DHX29: variants seen among roughly 807,000 people sequenced by gnomAD.
The protein encoded by DHX29 is ATP-dependent RNA helicase DHX29.
DHX29 carries 79 observed loss-of-function variants against 167.9 expected under a neutral mutation model. The ratio of observed to expected loss-of-function variants is 0.47; its 90% CI spans 0.39 to 0.57. The LOEUF (loss-of-function observed/expected upper bound fraction) is 0.57. Among genes scored for constraint, DHX29 ranks in the 20% least tolerant of loss-of-function variants. The pLI, the probability that DHX29 is intolerant of heterozygous loss-of-function variation, is 0.00. For missense variants in DHX29, 1,347 were observed against 1,593.4 expected, an observed-to-expected ratio of 0.85 and a Z score of 2.63; for synonymous variants, 530 against 546.0, an observed-to-expected ratio of 0.97 and a Z score of 0.41.
At chr5:55,284,895 G>A (rs1018797690) in intron 10 of DHX29, among the ~76,000 whole-genome samples, 15 of 152,196 alleles carry the variant, frequency 9.9e-5, no homozygotes, top group African/African-American at 3.6e-4. Flanking sequence ...TTAGCTGGAT[G>A]TGGTGGCACA....
At position 55,259,873 on chromosome 5, in the gene DHX29, A is replaced by C. The variant is rs764871075; in HGVS notation, c.4032T>G (p.Leu1344=). Residue 1344 remains leucine, a synonymous_variant, in exon 26 of 27, where the codon CTT becomes CTG. Transcript: ENST00000251636. ...VLIDSVLRKK[L]ENPKMSLEND... is the part of the protein sequence containing the mutation. ...TTTCAAGGGACATCTTTGGATTTTC[A>C]AGCTTTTTTCTTAAAACTGAATCAA... The C allele has an allele frequency of 3.1e-6, 5 of 1,608,876 alleles. No homozygotes were observed. In the South Asian group the frequency reaches 5.5e-5, roughly 18 times the overall value.
rs1301824217 is a variant in DHX29, at chr5:55,281,528, C to T, written c.1966-13G>A. The T allele has an allele frequency of 6.4e-7, 1 of 1,550,558 alleles. No homozygotes were observed. The highest frequency in any genetic ancestry group is 8.7e-7 in the Non-Finnish European group (1 of 1,149,606). Reference sequence around the variant, plus strand: ...CACACAAGGAATTCTAAAGGGAGAACATAAGGCCTTGATTAGATTCTCATG... The same window carrying T: ...CACACAAGGAATTCTAAAGGGAGAATATAAGGCCTTGATTAGATTCTCATG... On this transcript the variant is annotated splice_polypyrimidine_tract_variant and intron_variant, in intron 11 of 26. Coordinates refer to ENST00000251636, the MANE Select transcript of DHX29 (RefSeq NM_019030.4).
intron 25 of DHX29, 124 bp downstream of exon 25, chr5:55,261,244 G>C (rs971626181): frequency 6.2e-6 from 3 of 487,468 alleles, no homozygotes; most frequent in Non-Finnish European, 1.1e-5. Flanking sequence ...ATAAAATAAG[G>C]AATTCTACTT....
At position 55,283,667 on chromosome 5, in the gene DHX29, G is replaced by A; in HGVS notation, c.1501C>T (p.Gln501Ter). ...TGCTGTTGTTGCTGCTGTTGCTGCT[G>A]TTTCAGTTTATTCAGAAGTTTGGCA... ...FIAKLLNKLK[Q>*]QQQQQQQHSE... The change falls in exon 11 of 27, where the codon CAG (glutamine) becomes TAG (stop). Residue 501 changes from glutamine (Q) to a stop codon, truncating the protein, a stop_gained. Coordinates refer to ENST00000251636, the MANE Select transcript of DHX29 (RefSeq NM_019030.4). LOFTEE classifies it high-confidence loss of function. The A allele has an allele frequency of 6.2e-7, 1 of 1,614,080 alleles. No individual in the cohort carries two copies. The highest frequency in any genetic ancestry group is 8.5e-7 in the Non-Finnish European group (1 of 1,180,020).
Position 55,295,435 on chromosome 5 carries a change from T to C in DHX29, c.595A>G (p.Ile199Val), listed in dbSNP as rs773299077. The C allele has an allele frequency of 2.5e-6, 4 of 1,613,590 alleles. No individual in the cohort carries two copies. The highest frequency in any genetic ancestry group is 1.7e-5 in the Admixed American group (1 of 59,996). The change falls in exon 5 of 27, where the codon ATT (isoleucine) becomes GTT (valine). Residue 199 changes from isoleucine to valine, a missense_variant. By Grantham distance (29) the Ile-to-Val change is conservative (BLOSUM62 3). Coordinates refer to ENST00000251636, the MANE Select transcript of DHX29 (RefSeq NM_019030.4). ...GTTTTAGGTTGCAATGGAGGTGAAATAGTGGCTTGTATTTGAGGAGACTGA... is the reference window on the plus strand; with the variant it reads ...GTTTTAGGTTGCAATGGAGGTGAAACAGTGGCTTGTATTTGAGGAGACTGA... ...KFQSPQIQATISPPLQPKTKT... is the reference protein window; with the variant it reads ...KFQSPQIQATVSPPLQPKTKT...
intron 26 of DHX29, among the ~76,000 whole-genome samples, chr5:55,257,615 GGAA>G (rs1746115030): frequency 6.6e-6 from 1 of 152,140 alleles, no homozygotes; most frequent in Admixed American, 6.5e-5. Flanking sequence ...TTTAAATTGA[GGAA>G]GAGAGAGTAA....
At chr5:55,280,778 A>G (rs972920036) in intron 12 of DHX29, among the ~76,000 whole-genome samples, 1 of 152,174 alleles carries the variant, frequency 6.6e-6, no homozygotes, top group Non-Finnish European at 1.5e-5. Flanking sequence ...TTCACTGCCT[A>G]TTGTCCTAGA....
At chr5:55,259,814 G>A (rs1746223409) in intron 26 of DHX29, 34 bp downstream of exon 26, 1 of 1,248,418 alleles carries the variant, frequency 8.0e-7, no homozygotes, top group Non-Finnish European at 1.2e-6. Flanking sequence ...ACACATATGT[G>A]TATATGGTCT....
At chr5:55,285,991 A>G (rs568317574) in intron 8 of DHX29, 130 bp from the exon 9 acceptor site, 1 of 633,698 alleles carries the variant, frequency 1.6e-6, no homozygotes. Flanking sequence ...GCAGTGGCTC[A>G]TGCCTGTAAT....
intron 19 of DHX29, 26 bp from the exon 20 acceptor site, chr5:55,270,513 C>T (rs766483167): frequency 2.5e-6 from 4 of 1,612,998 alleles, no homozygotes; most frequent in Non-Finnish European, 3.4e-6. Context: ...ATACTAAATA[C>T]ATATTATCAG....
In DHX29 at chr5:55,298,650, T is replaced by A; in HGVS notation, c.202A>T (p.Ser68Cys). 1 of 1,522,358 alleles carries A rather than the reference T, an allele frequency of 6.6e-7. No homozygotes were observed. Among genetic ancestry groups the A allele is most frequent in the Non-Finnish European group, 9.1e-7 (1 of 1,098,714 alleles). 94.3% of individuals were successfully genotyped at this position (1,522,358 alleles called of 1,614,324 possible). ...CTAGAATCATTTGTAGAATTAAAAC[T>A]ATAAATTTTTGGACCTGTAAATACA... ...PRVKQGPKIY[S>C]FNSTNDSSGP... The change falls in exon 2 of 27, where the codon AGT becomes TGT. Residue 68 changes from serine to cysteine, a missense_variant. Ser to Cys is a moderately radical substitution (Grantham distance 112, BLOSUM62 -1). This residue lies in a region of DHX29 where 405 missense variants were observed against 416.8 expected (regional missense o/e 0.97). Transcript: ENST00000251636.
intron 6 of DHX29, among the ~76,000 whole-genome samples, chr5:55,293,534 A>G (rs749095394): frequency 9.2e-5 from 14 of 151,938 alleles, no homozygotes; most frequent in Non-Finnish European, 4.4e-5. Flanking sequence ...CTCTAATTTA[A>G]TCTACTTTTG....
intron 12 of DHX29, among the ~76,000 whole-genome samples, chr5:55,280,427 T>C (rs1363429344): frequency 1.3e-5 from 2 of 152,190 alleles, no homozygotes; most frequent in African/African-American, 2.4e-5. Flanking sequence ...TTTCTCACTA[T>C]AAATATACTG....
chr5:55,279,078 A>G (rs1265841859), intron 12 of DHX29, among the ~76,000 whole-genome samples: 1 of 152,228 alleles, frequency 6.6e-6, no homozygotes, highest in Non-Finnish European at 1.5e-5. Context: ...AGAGCAAAAT[A>G]AAGCAGGAAG....
chr5:55,262,559 C>A, intron 24 of DHX29, 71 bp downstream of exon 24: 1 of 1,526,784 alleles, frequency 6.5e-7, no homozygotes. Context: ...CCTGTTAGGG[C>A]ATCCTAACTT....
chr5:55,272,061 T>C, intron 18 of DHX29, 26 bp downstream of exon 18: 1 of 1,388,508 alleles, frequency 7.2e-7, no homozygotes, highest in Non-Finnish European at 1.0e-6. Flanking sequence ...GTTAAAAATG[T>C]TTTGATTTGG....
chr5:55,291,924 T>C (rs1317893743), intron 6 of DHX29, among the ~76,000 whole-genome samples: 2 of 152,220 alleles, frequency 1.3e-5, no homozygotes, highest in Non-Finnish European at 2.9e-5. Flanking sequence ...ATTCATCTTA[T>C]TGGTAGGTAC....
At chr5:55,262,056 GTGAA>G (rs1224013934) in intron 24 of DHX29, among the ~76,000 whole-genome samples, 1 of 152,102 alleles carries the variant, frequency 6.6e-6, no homozygotes, top group East Asian at 1.9e-4. Context: ...TAAAAAATGT[GTGAA>G]TGAGACAGGT....
intron 7 of DHX29, among the ~76,000 whole-genome samples, chr5:55,290,009 G>A (rs1015238737): frequency 1.3e-5 from 2 of 152,146 alleles, no homozygotes; most frequent in African/African-American, 2.4e-5. Flanking sequence ...CTTTTGTGCT[G>A]TAACAGCAAA....
Sources: gnomAD v4.1 joint callset for allele counts (sites outside exome capture counted in the v4.1 genomes callset) on GRCh38, gnomAD v4.1.1 for gene constraint, gnomAD v4.1.1 regional missense constraint, MANE v1.5 for transcripts, NCBI Gene and HGNC (gene_info 2026-07-23, HGNC 2026-07-21) for gene names.